Variants in DTNB observed in about 807,000 individuals in gnomAD.
DTNB encodes the protein DTN-B.
A neutral mutation model predicts 90.7 loss-of-function variants in DTNB; 63 were observed. The ratio of observed to expected loss-of-function variants is 0.69; its 90% CI spans 0.57 to 0.86. The LOEUF (loss-of-function observed/expected upper bound fraction) is 0.86, where lower values mean the gene tolerates loss of function less well. DTNB is among the 40% of genes least tolerant of loss of function. The probability of loss-of-function intolerance (pLI) is 0.00; values close to 1 mark genes in which losing one functional copy is unlikely to be tolerated. For synonymous variants in DTNB, 277 were observed against 286.7 expected (o/e 0.97, Z 0.34); for missense variants, 744 against 807.1 (o/e 0.92, Z 0.95).
Position 25,673,575 on chromosome 2 carries a change from C to T in DTNB, c.-191G>A, listed in dbSNP as rs2086639912. ...TTCTCCGCCCGGCACGCGCAGCGCC[C>T]GCCCCCGGCGCGAGGGCGCGAGGGC... is the stretch of plus-strand genomic sequence containing the variant. On this transcript the variant is annotated 5_prime_UTR_variant, in exon 1 of 21. Coordinates refer to ENST00000406818, the MANE Select transcript of DTNB (RefSeq NM_021907.5). The T allele has an allele frequency of 6.8e-6, 1 of 147,006 alleles. No individual in the cohort carries two copies. Among genetic ancestry groups the T allele is most frequent in the Admixed American group, 6.7e-5 (1 of 14,854 alleles). The allele number at this position is 147,006 out of a possible 1,614,324, so 9.1% of individuals were successfully genotyped here.
At chr2:25,491,770 T>C (rs982462108) in intron 9 of DTNB, among the ~76,000 whole-genome samples, 1 of 151,980 alleles carries the variant, frequency 6.6e-6, no homozygotes, top group African/African-American at 2.4e-5. Flanking sequence ...GAGAGTGTCT[T>C]TACTAATAAT....
chr2:25,666,530 GTC>G, intron 1 of DTNB, among the ~76,000 whole-genome samples: 1 of 152,242 alleles, frequency 6.6e-6, no homozygotes, highest in Middle Eastern at 3.4e-3. Flanking sequence ...AAAGAAAAAA[GTC>G]TTTGTATAAA....
intron 6 of DTNB, among the ~76,000 whole-genome samples, chr2:25,592,623 A>G (rs2063780578): frequency 6.6e-6 from 1 of 152,156 alleles, no homozygotes. Flanking sequence ...ATTAAAATAA[A>G]CCAATGTGTA....
intron 19 of DTNB, 163 bp from the exon 20 acceptor site, chr2:25,379,486 T>C (rs1187914968): frequency 1.1e-6 from 1 of 882,752 alleles, no homozygotes; most frequent in African/African-American, 1.7e-5. Flanking sequence ...GACAGCAGGG[T>C]AGAGTCATAC....
chr2:25,639,326 G>C (rs858654), intron 2 of DTNB: 8,663 of 378,286 alleles, frequency 0.023, 161 homozygotes, highest in African/African-American at 0.067. Flanking sequence ...CTGCTCATCG[G>C]AGAAAACTCC....
intron 8 of DTNB, among the ~76,000 whole-genome samples, chr2:25,567,258 C>T (rs1189017871): frequency 6.6e-6 from 1 of 152,148 alleles, no homozygotes; most frequent in East Asian, 1.9e-4. Context: ...AGTAAGCACA[C>T]CTTTTTCCCA....
At chr2:25,459,023 T>C (rs2060510963) in intron 10 of DTNB, among the ~76,000 whole-genome samples, 1 of 152,026 alleles carries the variant, frequency 6.6e-6, no homozygotes, top group Non-Finnish European at 1.5e-5. Context: ...TTCAGGTATG[T>C]AATATGTCTT....
At chr2:25,391,763 A>C (rs149952694) in intron 16 of DTNB, among the ~76,000 whole-genome samples, 1 of 152,332 alleles carries the variant, frequency 6.6e-6, no homozygotes, top group Admixed American at 6.5e-5. Flanking sequence ...AGCAACTCCA[A>C]AAGGAACCCT....
intron 9 of DTNB, chr2:25,497,783 C>T (rs549109238): frequency 6.6e-6 from 1 of 152,280 alleles, no homozygotes; most frequent in South Asian, 2.1e-4. Context: ...TAGTCAATAG[C>T]TCCTAAAACT....
chr2:25,504,199 CAG>C (rs1339729471), intron 9 of DTNB, among the ~76,000 whole-genome samples: 1 of 151,916 alleles, frequency 6.6e-6, no homozygotes, highest in African/African-American at 2.4e-5. Context: ...ACCCGGCAGG[CAG>C]AGTTTGCATT....
chr2:25,645,470 C>A (rs1027636338), intron 2 of DTNB, among the ~76,000 whole-genome samples: 34 of 151,712 alleles, frequency 2.2e-4, no homozygotes, highest in Admixed American at 1.3e-4. Context: ...TTAACAGGGT[C>A]TCACTCACCC....
intron 14 of DTNB, among the ~76,000 whole-genome samples, chr2:25,429,156 G>A (rs765955936): frequency 2.0e-5 from 3 of 152,200 alleles, no homozygotes; most frequent in Non-Finnish European, 4.4e-5. Context: ...AAGACTTAGT[G>A]CAGGAAACAG....
At chr2:25,536,099 C>A (rs1333874031) in intron 8 of DTNB, among the ~76,000 whole-genome samples, 1 of 150,984 alleles carries the variant, frequency 6.6e-6, no homozygotes, top group African/African-American at 2.4e-5. Flanking sequence ...TCCTCACTTC[C>A]CAGACGGGGC....
intron 1 of DTNB, among the ~76,000 whole-genome samples, chr2:25,656,221 A>G (rs145526078): frequency 1.1e-3 from 161 of 152,320 alleles, no homozygotes; most frequent in African/African-American, 3.4e-3. Context: ...ATAAAATCCA[A>G]ATTAATGGGA....
intron 4 of DTNB, among the ~76,000 whole-genome samples, chr2:25,612,681 AGACT>A (rs1480695119): frequency 1.3e-5 from 2 of 152,166 alleles, no homozygotes; most frequent in East Asian, 1.9e-4. Flanking sequence ...ATCTCTTGCC[AGACT>A]GACTAAGAAA....
intron 10 of DTNB, among the ~76,000 whole-genome samples, chr2:25,473,588 A>G (rs960087420): frequency 2.6e-5 from 4 of 152,204 alleles, no homozygotes; most frequent in Non-Finnish European, 5.9e-5. Context: ...GTGTGTGCGC[A>G]TGTATGCATG....
At chr2:25,498,059 A>G (rs1408342771) in intron 9 of DTNB, among the ~76,000 whole-genome samples, 1 of 152,150 alleles carries the variant, frequency 6.6e-6, no homozygotes, top group Non-Finnish European at 1.5e-5. Context: ...CAGACAGCAC[A>G]GCCTCAGTCT....
intron 6 of DTNB, among the ~76,000 whole-genome samples, chr2:25,587,100 C>T (rs2062591345): frequency 6.6e-6 from 1 of 152,010 alleles, no homozygotes; most frequent in Admixed American, 6.6e-5. Flanking sequence ...TGGGGTAGAG[C>T]GGGAGCAATC....
chr2:25,604,065 T>C (rs1051436169), intron 5 of DTNB, among the ~76,000 whole-genome samples: 1 of 152,208 alleles, frequency 6.6e-6, no homozygotes, highest in African/African-American at 2.4e-5. Context: ...ATTACTTCTC[T>C]GTCCGTAGCA....
Sources: allele counts gnomAD v4.1 joint callset (sites outside exome capture counted in the v4.1 genomes callset), GRCh38; gene constraint gnomAD v4.1.1; transcripts MANE v1.5; gene names NCBI Gene and HGNC (gene_info 2026-07-23, HGNC 2026-07-21).